The following UTP20 variants were observed in gnomAD, a reference collection of about 807,000 sequenced individuals.
UTP20 encodes the protein UTP20 small subunit processome component.
Under a neutral mutation model 329.5 loss-of-function variants are expected in UTP20, and 164 were observed. The observed-to-expected ratio is 0.50, with a 90% CI of 0.44 to 0.57. The LOEUF is 0.57. Ranked by LOEUF, UTP20 falls within the 20% of genes least tolerant of loss-of-function variation. The pLI, the probability that UTP20 is intolerant of heterozygous loss-of-function variation, is 0.00. For missense variants in UTP20, 3,055 were observed against 3,284.2 expected, an observed-to-expected ratio of 0.93 and a Z score of 1.71; for synonymous variants, 1,151 against 1,159.3, an observed-to-expected ratio of 0.99 and a Z score of 0.14.
Position 101,299,803 on chromosome 12 carries a change from T to C in UTP20, c.1552T>C (p.Ser518Pro). The change falls in exon 13 of 62, where the codon TCT becomes CCT. Residue 518 changes from serine to proline, a missense_variant. Around this residue, in one of 3 missense-constraint regions of UTP20, gnomAD observed 2,445 missense variants for 2,575.5 expected, o/e 0.95. Transcript: ENST00000261637. ...TAAAGATACTACTTACCTTTCACAA[T>C]CTTGGGCAGCCCTCGTGGTGTTACC... ...PNKDTTYLSQ[S>P]WAALVVLPHI... 6.2e-7 allele frequency: 1 copy of C among 1,611,282 alleles called. No individual in the cohort carries two copies. The highest frequency in any genetic ancestry group is 1.1e-5 in the South Asian group (1 of 90,036).
chr12:101,379,695 T>G, intron 57 of UTP20, 137 bp downstream of exon 57: 1 of 918,420 alleles, frequency 1.1e-6, no homozygotes, highest in East Asian at 2.7e-5. Context: ...TCAATAGGAA[T>G]ATTAGTCACT....
At chr12:101,290,381 A>G in intron 7 of UTP20, 107 bp downstream of exon 7, 1 of 1,322,832 alleles carries the variant, frequency 7.6e-7, no homozygotes, top group Non-Finnish European at 1.0e-6. Context: ...AGTACATAGC[A>G]CTAGATGAGG....
At chr12:101,373,044 T>G in intron 52 of UTP20, 81 bp downstream of exon 52, 1 of 1,172,244 alleles carries the variant, frequency 8.5e-7, no homozygotes, top group Non-Finnish European at 1.3e-6. Flanking sequence ...TTAAAAAGGA[T>G]GGGGCCTAAG....
intron 32 of UTP20, among the ~76,000 whole-genome samples, chr12:101,340,933 T>C (rs12828467): frequency 7.7e-6 from 1 of 130,514 alleles, no homozygotes; most frequent in African/African-American, 2.8e-5. Flanking sequence ...GTGCATTGTG[T>C]AATCTTTTTT....
In UTP20 at chr12:101,311,818, G is replaced by C. The variant is rs1462071881; in HGVS notation, c.2311+20G>C. On this transcript the variant is annotated intron_variant, in intron 20 of 61. Coordinates refer to ENST00000261637, the MANE Select transcript of UTP20 (RefSeq NM_014503.3). ...ATGCTGGTATGTAAAGGGGTTGTGA[G>C]GAAGCTGCGAAGAAAAGTGGTTGTT... 6 of 1,594,402 alleles carry C rather than the reference G, an allele frequency of 3.8e-6. No individual in the cohort carries two copies. Among genetic ancestry groups the C allele is most frequent in the Admixed American group, 3.6e-5 (2 of 54,918 alleles).
At chr12:101,385,408 A>G (rs1184885010) in intron 60 of UTP20, among the ~76,000 whole-genome samples, 175 bp from the exon 61 acceptor site, 1 of 152,140 alleles carries the variant, frequency 6.6e-6, no homozygotes, top group African/African-American at 2.4e-5. Flanking sequence ...ATCAGTGTTT[A>G]ATGTTGAAGT....
At chr12:101,365,359 C>A in intron 45 of UTP20, 100 bp from the exon 46 acceptor site, 1 of 795,676 alleles carries the variant, frequency 1.3e-6, no homozygotes, top group Non-Finnish European at 1.9e-6. Context: ...GAAAGCCAAA[C>A]GTATATTAGA....
At chr12:101,367,114 T>C (rs1870120744) in intron 47 of UTP20, among the ~76,000 whole-genome samples, 1 of 151,806 alleles carries the variant, frequency 6.6e-6, no homozygotes, top group Admixed American at 6.6e-5. Context: ...ACTCTATCTC[T>C]ACAAAAAAAA....
At position 101,342,456 on chromosome 12, in the gene UTP20, T is replaced by C. The variant is rs768010423; in HGVS notation, c.4112T>C (p.Val1371Ala). 3 of 1,606,926 alleles carry C rather than the reference T, an allele frequency of 1.9e-6. No homozygotes were observed. Among genetic ancestry groups the C allele is most frequent in the Non-Finnish European group, 2.5e-6 (3 of 1,178,194 alleles). ...HRGNIAEDTE[V>A]DILVTVQNLL... ...TTATTTCTTCTCAAGGATACAGAGG[T>C]TGATATTCTGGTGACAGTACAAAAC... The change falls in exon 33 of 62, where the codon GTT becomes GCT. Residue 1371 changes from valine (V) to alanine (A), a missense_variant. Val to Ala is a moderately conservative substitution (Grantham distance 64). Coordinates refer to ENST00000261637, the MANE Select transcript of UTP20 (RefSeq NM_014503.3).
chr12:101,335,138 A>T (rs983817100), intron 29 of UTP20, among the ~76,000 whole-genome samples: 2 of 152,236 alleles, frequency 1.3e-5, no homozygotes, highest in Non-Finnish European at 2.9e-5. Flanking sequence ...TGGGTAGACC[A>T]GAGCAGGGAG....
At chr12:101,337,983 A>G in intron 29 of UTP20, 68 bp from the exon 30 acceptor site, 1 of 1,400,236 alleles carries the variant, frequency 7.1e-7, no homozygotes, top group Non-Finnish European at 9.9e-7. Flanking sequence ...GTGAAAATTC[A>G]TATGGACATG....
intron 10 of UTP20, among the ~76,000 whole-genome samples, chr12:101,292,493 C>T (rs576560924): frequency 2.0e-5 from 3 of 152,138 alleles, no homozygotes; most frequent in African/African-American, 7.2e-5. Context: ...TATAGTCTAG[C>T]GAATTTGTCT....
intron 43 of UTP20, among the ~76,000 whole-genome samples, chr12:101,361,749 T>C (rs930698231): frequency 1.3e-5 from 2 of 152,202 alleles, no homozygotes; most frequent in Non-Finnish European, 2.9e-5. Context: ...ATCCTAAGAA[T>C]GGTAGTGGGT....
At chr12:101,361,372 G>A (rs1222093957) in intron 43 of UTP20, among the ~76,000 whole-genome samples, 4 of 151,714 alleles carry the variant, frequency 2.6e-5, no homozygotes, top group Non-Finnish European at 4.4e-5. Flanking sequence ...TCCTGTAATC[G>A]CAGCACTTAG....
At chr12:101,355,599 G>A (rs1475407429) in intron 41 of UTP20, among the ~76,000 whole-genome samples, 2 of 152,040 alleles carry the variant, frequency 1.3e-5, no homozygotes, top group African/African-American at 2.4e-5. Context: ...GTTTTTGTAC[G>A]GTTTTATTGG....
At chr12:101,335,329 A>G (rs995334741) in intron 29 of UTP20, among the ~76,000 whole-genome samples, 7 of 152,262 alleles carry the variant, frequency 4.6e-5, no homozygotes, top group African/African-American at 1.7e-4. Context: ...TTTAAGTATT[A>G]GAATTGATAG....
In UTP20 at chr12:101,373,636, A is replaced by G. The variant is rs752872426; in HGVS notation, c.7000A>G (p.Thr2334Ala). 16 of 1,613,028 alleles carry G rather than the reference A, an allele frequency of 9.9e-6. 2 individuals are homozygous for G. The Middle Eastern group carries it at 8.2e-4, about 83-fold the overall frequency. Residue 2334 changes from threonine to alanine, a missense_variant, in exon 54 of 62, where the codon ACG becomes GCG. By Grantham distance (58) the Thr-to-Ala change is moderately conservative (BLOSUM62 0). Around this residue, in one of 3 missense-constraint regions of UTP20, gnomAD observed 273 missense variants for 363.1 expected, o/e 0.75. Coordinates refer to ENST00000261637, the MANE Select transcript of UTP20 (RefSeq NM_014503.3). ...GTTCTTTATCCCTCTTTGTCTAATG[A>G]CGATCAATGATGACTCTGCCACGTG... ...GMFFIPLCLM[T>A]INDDSATCKK...
At chr12:101,286,113 T>C (rs1871953109) in intron 4 of UTP20, among the ~76,000 whole-genome samples, 1 of 152,220 alleles carries the variant, frequency 6.6e-6, no homozygotes. Context: ...ATAGGAACAG[T>C]TGGCTACAAC....
chr12:101,375,813 A>G (rs1399790326), intron 56 of UTP20, 57 bp downstream of exon 56: 1 of 1,126,266 alleles, frequency 8.9e-7, no homozygotes, highest in Non-Finnish European at 1.3e-6. Context: ...GAATTACTGA[A>G]AGTAGATTTG....
Sources: gnomAD v4.1 joint callset for allele counts (sites outside exome capture counted in the v4.1 genomes callset) on GRCh38, gnomAD v4.1.1 for gene constraint, gnomAD v4.1.1 regional missense constraint, MANE v1.5 for transcripts, NCBI Gene and HGNC (gene_info 2026-07-23, HGNC 2026-07-21) for gene names.